The following ADA2 variants were observed in gnomAD, a reference collection of about 807,000 sequenced individuals.
ADA2 encodes the protein adenosine deaminase CECR1.
In ADA2, 29 loss-of-function variants were observed where a neutral mutation model predicts 44.2. That is an observed-to-expected ratio of 0.66 (90% CI 0.49 to 0.89). The LOEUF (loss-of-function observed/expected upper bound fraction) is 0.89, where lower values mean the gene tolerates loss of function less well. Ranked by LOEUF, ADA2 falls within the 40% of genes least tolerant of loss-of-function variation. The pLI is 0.00. For synonymous variants in ADA2, 215 were observed against 234.9 expected (o/e 0.92, Z 0.77); for missense variants, 637 against 644.8 (o/e 0.99, Z 0.13).
In ADA2 at chr22:17,191,815, G is replaced by A. The variant is rs530979152; in HGVS notation, c.754-5C>T. On this transcript the variant is annotated splice_polypyrimidine_tract_variant and splice_region_variant and intron_variant, in intron 4 of 9. Transcript: ENST00000399837. ...CTCTCCACTGAGCTCATACACCTGG[G>A]AAGAAAGCACAACCAGGAGCCGTCA... The A allele has an allele frequency of 1.7e-5, 28 of 1,610,988 alleles. No individual in the cohort carries two copies. In the East Asian group the frequency reaches 6.0e-4, roughly 35 times the overall value.
At chr22:17,182,266 G>A (rs1193798180) in intron 8 of ADA2, among the ~76,000 whole-genome samples, 7 of 152,094 alleles carry the variant, frequency 4.6e-5, no homozygotes, top group Non-Finnish European at 1.5e-5. Context: ...TCAGAGAAGC[G>A]CTAACTGAAC....
In ADA2 at chr22:17,181,439, G is replaced by A. The variant is rs1263444366; in HGVS notation, c.*44C>T. ...CAAGAACGAGTGAGAGGAAGTGACA[G>A]CGTGTGCAAGAAGACAGCTTGTAGA... is the stretch of plus-strand genomic sequence containing the variant. On this transcript the variant is annotated 3_prime_UTR_variant, in exon 10 of 10. Coordinates refer to ENST00000399837, the MANE Select transcript of ADA2 (RefSeq NM_001282225.2). 11 of 1,222,498 alleles carry A rather than the reference G, an allele frequency of 9.0e-6. No homozygotes were observed. In the Admixed American group the frequency reaches 1.5e-4, roughly 17 times the overall value. 75.7% of individuals were successfully genotyped at this position (1,222,498 alleles called of 1,614,324 possible).
At chr22:17,205,804 C>A (rs1207177402) in intron 3 of ADA2, among the ~76,000 whole-genome samples, 1 of 152,034 alleles carries the variant, frequency 6.6e-6, no homozygotes, top group African/African-American at 2.4e-5. Context: ...CACGGCAAAA[C>A]CCCATCTCAC....
chr22:17,181,293 C>A lies in ADA2; in HGVS notation c.*190G>T. ...AGAGACAGGAGAAAACCAAGAGGGT[C>A]AATGTCACTGTGGCTGAGAGAGAAT... On this transcript the variant is annotated 3_prime_UTR_variant, in exon 10 of 10. Transcript: ENST00000399837. 2 of 607,828 alleles carry A rather than the reference C, an allele frequency of 3.3e-6. No homozygotes were observed. Among genetic ancestry groups the A allele is most frequent in the Non-Finnish European group, 5.9e-6 (2 of 337,380 alleles). 37.7% of individuals were successfully genotyped at this position (607,828 alleles called of 1,614,324 possible).
At chr22:17,208,486 C>T (rs1443420048) in intron 2 of ADA2, among the ~76,000 whole-genome samples, 2 of 148,456 alleles carry the variant, frequency 1.3e-5, no homozygotes, top group Admixed American at 6.8e-5. Flanking sequence ...AAACTGCAAG[C>T]TGCTATTATT....
intron 2 of ADA2, among the ~76,000 whole-genome samples, chr22:17,207,699 T>C (rs542138926): frequency 6.6e-6 from 1 of 152,212 alleles, no homozygotes; most frequent in South Asian, 2.1e-4. Flanking sequence ...CAGGGCTCCA[T>C]TGGCTTCTAG....
At chr22:17,199,428 T>TCCTCTATCCTCTTCCCCTCCCTCCCCG in intron 4 of ADA2, 1 of 867,052 alleles carries the variant, frequency 1.2e-6, no homozygotes, top group Non-Finnish European at 1.9e-6. Flanking sequence ...CTCCCTCCCC[T>TCCTCTATCCTCTTCCCCTCCCTCCCCG]CCTCTATCCT....
chr22:17,212,848 C>T (rs1248684590), intron 1 of ADA2, among the ~76,000 whole-genome samples: 3 of 151,416 alleles, frequency 2.0e-5, no homozygotes, highest in Non-Finnish European at 4.4e-5. Context: ...AGCGTGAGTC[C>T]ACTTGGTTGG....
At chr22:17,195,251 G>A (rs567155569) in intron 4 of ADA2, among the ~76,000 whole-genome samples, 2 of 152,340 alleles carry the variant, frequency 1.3e-5, no homozygotes, top group South Asian at 2.1e-4. Context: ...GGGTGTGATG[G>A]CTCATGCCTG....
chr22:17,204,639 C>A (rs370337372), intron 3 of ADA2, among the ~76,000 whole-genome samples: 18 of 151,776 alleles, frequency 1.2e-4, no homozygotes, highest in African/African-American at 3.9e-4. Flanking sequence ...AAGAAGAGAC[C>A]GCAGGAGTGC....
intron 1 of ADA2, among the ~76,000 whole-genome samples, chr22:17,218,227 G>A (rs2062491465): frequency 6.6e-6 from 1 of 152,018 alleles, no homozygotes; most frequent in Non-Finnish European, 1.5e-5. Context: ...AGTAAATAGA[G>A]GTGCAAGGAT....
chr22:17,189,922 C>G lies in ADA2; in HGVS notation c.972+20G>C. ...CATGCCCCCTTAACAGGCAGCCCTT[C>G]TGTTCACAGCATGGGTTACCAGGTC... On this transcript the variant is annotated intron_variant, in intron 6 of 9. Coordinates refer to ENST00000399837, the MANE Select transcript of ADA2 (RefSeq NM_001282225.2). 6.3e-7 allele frequency: 1 copy of G among 1,580,738 alleles called. No homozygotes were observed. Among genetic ancestry groups the G allele is most frequent in the East Asian group, 2.2e-5 (1 of 44,730 alleles).
At chr22:17,182,985 TATTA>T (rs1328424474) in intron 7 of ADA2, among the ~76,000 whole-genome samples, 1 of 152,242 alleles carries the variant, frequency 6.6e-6, no homozygotes, top group African/African-American at 2.4e-5. Context: ...TCATCTAATT[TATTA>T]ATTTATCATT....
chr22:17,197,830 C>G (rs538416619), intron 4 of ADA2, among the ~76,000 whole-genome samples: 1 of 152,126 alleles, frequency 6.6e-6, no homozygotes, highest in East Asian at 1.9e-4. Flanking sequence ...CCTGAGGTCA[C>G]GAATTCGAGA....
intron 1 of ADA2, among the ~76,000 whole-genome samples, chr22:17,216,301 GC>G (rs1164434361): frequency 6.6e-6 from 1 of 151,964 alleles, no homozygotes; most frequent in Non-Finnish European, 1.5e-5. Flanking sequence ...GGAGGTCAAG[GC>G]TGCAGTGAGC....
At chr22:17,188,747 C>T (rs1030015039) in intron 6 of ADA2, 71 of 179,170 alleles carry the variant, frequency 4.0e-4, no homozygotes, top group South Asian at 2.9e-3. Flanking sequence ...GGTGTGGTAG[C>T]GGGTGCCTGT....
In ADA2 at chr22:17,189,935, G is replaced by A; in HGVS notation, c.972+7C>T. 6.2e-7 allele frequency: 1 copy of A among 1,605,050 alleles called. No individual in the cohort carries two copies. The highest frequency in any genetic ancestry group is 8.5e-7 in the Non-Finnish European group (1 of 1,171,710). ...CAGGCAGCCCTTCTGTTCACAGCAT[G>A]GGTTACCAGGTCAAACCCTGCCACC... On this transcript the variant is annotated splice_region_variant and intron_variant, in intron 6 of 9. Coordinates refer to ENST00000399837, the MANE Select transcript of ADA2 (RefSeq NM_001282225.2).
At chr22:17,197,269 C>CT (rs113880994) in intron 4 of ADA2, among the ~76,000 whole-genome samples, 27,978 of 143,072 alleles carry the variant, frequency 0.2, 2,758 homozygotes, top group Admixed American at 0.21. Flanking sequence ...TCTTTTTTTT[C>CT]TTTTTTTTTT....
intron 1 of ADA2, among the ~76,000 whole-genome samples, chr22:17,212,795 CTTGAGACAGGGTCTT>C (rs2062431787): frequency 2.1e-5 from 3 of 143,524 alleles, no homozygotes. Flanking sequence ...TTTTTTTTTC[CTTGAGACAGGGTCTT>C]ACTCTGTTGC....
Sources: gnomAD v4.1 joint callset for allele counts (sites outside exome capture counted in the v4.1 genomes callset) on GRCh38, gnomAD v4.1.1 for gene constraint, MANE v1.5 for transcripts, NCBI Gene and HGNC (gene_info 2026-07-23, HGNC 2026-07-21) for gene names.